The following PHACTR1 variants were observed in gnomAD, a reference collection of about 807,000 sequenced individuals.
PHACTR1 encodes RPEL repeat containing 1.
A neutral mutation model predicts 69.2 loss-of-function variants in PHACTR1; 16 were observed. That is an observed-to-expected ratio of 0.23 (90% confidence interval 0.16 to 0.35). The LOEUF (loss-of-function observed/expected upper bound fraction) is 0.35, where lower values mean the gene tolerates loss of function less well. Ranked by LOEUF, PHACTR1 falls within the 10% of genes least tolerant of loss-of-function variation. The pLI is 1.00. For synonymous variants in PHACTR1, 312 were observed against 284.5 expected (o/e 1.10, Z -0.97); for missense variants, 510 against 734.7 (o/e 0.69, Z 3.54).
At position 12,938,821 on chromosome 6, in the gene PHACTR1, T is replaced by G. The variant is rs973588269; in HGVS notation, c.251-114544T>G. On this transcript the variant is annotated intron_variant, in intron 4 of 14. Transcript: ENST00000332995. ...GAACACTAAAGGATGAACTTTTTTT[T>G]TTGTTTGGCTTCTTTCACTTGGCCT... is the stretch of plus-strand genomic sequence containing the variant. Among the ~76,000 whole-genome samples, 7 of 152,322 alleles carry G rather than the reference T, an allele frequency of 4.6e-5. No individual in the cohort carries two copies. In the South Asian group the frequency reaches 1.0e-3, roughly 23 times the overall value.
At chr6:12,789,474 T>G (rs1461700516) in intron 4 of PHACTR1, among the ~76,000 whole-genome samples, 2 of 152,136 alleles carry the variant, frequency 1.3e-5, no homozygotes, top group Admixed American at 6.5e-5. Context: ...TGATCTCAAT[T>G]GCTATTATGA....
At chr6:12,910,508 T>G (rs150336685) in intron 4 of PHACTR1, among the ~76,000 whole-genome samples, 1 of 152,202 alleles carries the variant, frequency 6.6e-6, no homozygotes, top group Non-Finnish European at 1.5e-5. Context: ...GAAAATGTAT[T>G]GCTAAGAAAA....
At position 12,992,937 on chromosome 6, in the gene PHACTR1, A is replaced by G. The variant is rs545786768; in HGVS notation, c.251-60428A>G. ...GCTGGCCTCCCCACCTTAATCTTTT[A>G]TTATGCAAATGGGTTCTTTACCTGG... On this transcript the variant is annotated intron_variant, in intron 4 of 14. Coordinates refer to ENST00000332995, the MANE Select transcript of PHACTR1 (RefSeq NM_030948.6). Among the ~76,000 whole-genome samples, 24 of 152,312 alleles carry G rather than the reference A, an allele frequency of 1.6e-4. No individual in the cohort carries two copies. The South Asian group carries it at 3.9e-3, about 25-fold the overall frequency.
At chr6:12,831,281 GTC>G (rs1314355439) in intron 4 of PHACTR1, among the ~76,000 whole-genome samples, 1 of 152,146 alleles carries the variant, frequency 6.6e-6, no homozygotes, top group East Asian at 1.9e-4. Flanking sequence ...GGGGTCTATA[GTC>G]TTTGCACTTT....
chr6:12,769,955 T>C (rs1394010715), intron 4 of PHACTR1, among the ~76,000 whole-genome samples: 1 of 152,220 alleles, frequency 6.6e-6, no homozygotes, highest in Non-Finnish European at 1.5e-5. Flanking sequence ...TAACTCAACT[T>C]GGTGGGTAAA....
intron 4 of PHACTR1, among the ~76,000 whole-genome samples, chr6:13,017,796 TA>T (rs1203465401): frequency 1.3e-5 from 2 of 152,070 alleles, no homozygotes; most frequent in African/African-American, 2.4e-5. Context: ...TAAAATATTT[TA>T]ACAGTTTTTA....
chr6:13,278,367 G>T (rs879148425), intron 12 of PHACTR1, 38 bp downstream of exon 12: 1 of 1,559,950 alleles, frequency 6.4e-7, no homozygotes, highest in South Asian at 1.2e-5. Context: ...GGACAGGAGA[G>T]GGTGGGCTGC....
At chr6:13,190,242 C>T (rs1261172824) in intron 7 of PHACTR1, among the ~76,000 whole-genome samples, 1 of 127,106 alleles carries the variant, frequency 7.9e-6, no homozygotes, top group African/African-American at 2.9e-5. Flanking sequence ...ACCATATTGG[C>T]CAGGCTGGTC....
Position 12,916,063 on chromosome 6 carries a change from G to A in PHACTR1, c.251-137302G>A, listed in dbSNP as rs546616912. Among the ~76,000 whole-genome samples the A allele has an allele frequency of 2.6e-4, 39 of 152,168 alleles. No homozygotes were observed. In the South Asian group the frequency reaches 2.9e-3, roughly 11 times the overall value. On this transcript the variant is annotated intron_variant, in intron 4 of 14. Coordinates refer to ENST00000332995, the MANE Select transcript of PHACTR1 (RefSeq NM_030948.6). ...TAATACATGGGTATCTCTGTAATGC[G>A]TGGCAAAAAGGGTAATACATTGGTA...
chr6:13,229,077 A>G (rs775827726), intron 9 of PHACTR1, among the ~76,000 whole-genome samples: 2 of 152,202 alleles, frequency 1.3e-5, no homozygotes, highest in Non-Finnish European at 2.9e-5. Flanking sequence ...CAGAGACCTC[A>G]ATGATCCATG....
chr6:12,822,069 C>T (rs1776285944), intron 4 of PHACTR1, among the ~76,000 whole-genome samples: 1 of 152,172 alleles, frequency 6.6e-6, no homozygotes, highest in Non-Finnish European at 1.5e-5. Flanking sequence ...GAGAGTTTAT[C>T]ATGTGGCCTG....
At chr6:13,102,475 T>C (rs1400571572) in intron 5 of PHACTR1, among the ~76,000 whole-genome samples, 2 of 152,248 alleles carry the variant, frequency 1.3e-5, no homozygotes, top group African/African-American at 4.8e-5. Context: ...GGTTTTATAA[T>C]TATAAATGAA....
intron 5 of PHACTR1, among the ~76,000 whole-genome samples, chr6:13,118,156 G>A (rs1329380463): frequency 2.0e-5 from 3 of 152,194 alleles, no homozygotes; most frequent in Non-Finnish European, 2.9e-5. Flanking sequence ...TAAGCTGAAC[G>A]TGTTGATGGG....
intron 4 of PHACTR1, among the ~76,000 whole-genome samples, chr6:12,867,982 A>G (rs1781626874): frequency 6.6e-6 from 1 of 152,150 alleles, no homozygotes; most frequent in Admixed American, 6.5e-5. Flanking sequence ...TGCTAAGGCC[A>G]GGTACGGTGG....
intron 10 of PHACTR1, among the ~76,000 whole-genome samples, chr6:13,265,642 T>A (rs1190867811): frequency 1.3e-5 from 2 of 152,176 alleles, no homozygotes; most frequent in Non-Finnish European, 2.9e-5. Flanking sequence ...ATCCCCTGGG[T>A]TTGACCTTCA....
At chr6:12,808,155 A>G (rs1194577296) in intron 4 of PHACTR1, among the ~76,000 whole-genome samples, 1 of 152,268 alleles carries the variant, frequency 6.6e-6, no homozygotes, top group African/African-American at 2.4e-5. Flanking sequence ...TGACATTAAT[A>G]TGATTCATTG....
At chr6:12,837,674 C>T (rs1778293720) in intron 4 of PHACTR1, among the ~76,000 whole-genome samples, 1 of 151,480 alleles carries the variant, frequency 6.6e-6, no homozygotes, top group Non-Finnish European at 1.5e-5. Context: ...AGCTATGTGG[C>T]CCTGGGCAAG....
At chr6:12,850,965 AAT>A (rs1205486729) in intron 4 of PHACTR1, among the ~76,000 whole-genome samples, 1 of 152,198 alleles carries the variant, frequency 6.6e-6, no homozygotes, top group East Asian at 1.9e-4. Context: ...TCAGGACTTC[AAT>A]ATGTCTTCTT....
At position 13,185,483 on chromosome 6, in the gene PHACTR1, A is replaced by G. The variant is rs115124103; in HGVS notation, c.664+2797A>G. Among the ~76,000 whole-genome samples, 955 of 148,674 alleles carry G rather than the reference A, an allele frequency of 6.4e-3. 10 individuals carry two copies. The highest frequency in any genetic ancestry group is 0.023 in the African/African-American group (924 of 40,428). On this transcript the variant is annotated intron_variant, in intron 7 of 14. Coordinates refer to ENST00000332995, the MANE Select transcript of PHACTR1 (RefSeq NM_030948.6). The stretch of plus-strand genomic sequence containing the variant: ...TCTTAGGGAAAAAAAAAAAAAAAAG[A>G]CAATCTGCAAATTATGTGGTAAATA...
Sources: gnomAD v4.1 joint callset for allele counts (sites outside exome capture counted in the v4.1 genomes callset) on GRCh38, gnomAD v4.1.1 for gene constraint, MANE v1.5 for transcripts, NCBI Gene and HGNC (gene_info 2026-07-23, HGNC 2026-07-21) for gene names.